The following ZNF331 variants were observed in gnomAD, a reference collection of about 807,000 sequenced individuals.
ZNF331 encodes C2H2-like zinc finger protein rearranged in thyroid adenomas.
Under a neutral mutation model 7.0 loss-of-function variants are expected in ZNF331, and 2 were observed. That is an observed-to-expected ratio of 0.29 (90% CI 0.12 to 0.90). The LOEUF is 0.90. Ranked by LOEUF, ZNF331 falls within the 40% of genes least tolerant of loss-of-function variation. The probability of loss-of-function intolerance (pLI) is 0.58; values close to 1 mark genes in which losing one functional copy is unlikely to be tolerated. For synonymous variants in ZNF331, 196 were observed against 205.4 expected, an observed-to-expected ratio of 0.95 and a Z score of 0.39; for missense variants, 432 against 587.7, an observed-to-expected ratio of 0.74 and a Z score of 2.74.
chr19:53,527,849 G>A (rs1471300187), intron 2 of ZNF331, among the ~76,000 whole-genome samples: 1 of 92,896 alleles, frequency 1.1e-5, no homozygotes, highest in East Asian at 2.5e-4. Flanking sequence ...TCCCATGACA[G>A]CAGATTATCA....
At chr19:53,557,902 C>T (rs1017296675) in intron 3 of ZNF331, among the ~76,000 whole-genome samples, 2 of 152,136 alleles carry the variant, frequency 1.3e-5, no homozygotes, top group Middle Eastern at 3.2e-3. Context: ...AGGCTGTGAA[C>T]CTGTGATGAG....
chr19:53,556,219 G>A (rs2089411600), intron 3 of ZNF331, among the ~76,000 whole-genome samples: 1 of 146,832 alleles, frequency 6.8e-6, no homozygotes, highest in Non-Finnish European at 1.5e-5. Context: ...CTCCAGCCTG[G>A]GCAACACAGC....
intron 2 of ZNF331, among the ~76,000 whole-genome samples, chr19:53,552,112 G>A (rs1193327353): frequency 1.3e-5 from 2 of 152,110 alleles, no homozygotes; most frequent in African/African-American, 4.8e-5. Context: ...AATTGAGTAC[G>A]ATGACAATTA....
chr19:53,545,326 C>T (rs1051389920), intron 2 of ZNF331, among the ~76,000 whole-genome samples: 9 of 152,296 alleles, frequency 5.9e-5, no homozygotes, highest in Non-Finnish European at 4.4e-5. Context: ...GACGTTAGTA[C>T]TTGGAATGAG....
At chr19:53,569,460 G>A in intron 4 of ZNF331, 75 bp downstream of exon 4, 1 of 1,535,790 alleles carries the variant, frequency 6.5e-7, no homozygotes, top group Non-Finnish European at 9.0e-7. Flanking sequence ...ATTATCTGAA[G>A]CCTTTTATCT....
At chr19:53,513,988 T>C in the ZNF331 span, among the ~76,000 whole-genome samples, 1 of 152,218 alleles carries the variant, frequency 6.6e-6, no homozygotes, top group African/African-American at 2.4e-5. Context: ...ATATTTTGGA[T>C]ATAAACTCCT....
At position 53,555,873 on chromosome 19, in the gene ZNF331, G is replaced by C. The variant is rs1274367719; in HGVS notation, c.-109G>C. 6.6e-6 allele frequency: 1 copy of C among 151,770 alleles called. No homozygotes were observed. The highest frequency in any genetic ancestry group is 2.4e-5 in the African/African-American group (1 of 41,278). 9.4% of individuals were successfully genotyped at this position (151,770 alleles called of 1,614,324 possible). A position where few individuals can be genotyped will look rare whatever the true frequency, so the allele number is the denominator to read the frequency against. On this transcript the variant is annotated 5_prime_UTR_variant, in exon 3 of 6. Coordinates refer to ENST00000449416, the MANE Select transcript of ZNF331 (RefSeq NM_001079906.2). ...AGCATCCTTCAGAAAAAGCATCCCC[G>C]AGGAGGAAGACGAATCGTTAAACAT...
chr19:53,577,399 T>C lies in ZNF331; in HGVS notation c.839T>C (p.Phe280Ser). The change falls in exon 6 of 6, where the codon TTT becomes TCT. Residue 280 changes from phenylalanine (F) to serine (S), a missense_variant. Phe to Ser is a radical substitution (Grantham distance 155). Around this residue, in one of 3 missense-constraint regions of ZNF331, gnomAD observed 312 missense variants for 448.6 expected, o/e 0.70. Coordinates refer to ENST00000449416, the MANE Select transcript of ZNF331 (RefSeq NM_001079906.2). ...PYECKDCGKA[F>S]ICGSSLIQHK... ...GAGTGTAAAGACTGTGGGAAGGCTT[T>C]TATTTGTGGTTCAAGCCTCATTCAG... 6.2e-7 allele frequency: 1 copy of C among 1,614,150 alleles called. No individual in the cohort carries two copies. The highest frequency in any genetic ancestry group is 8.5e-7 in the Non-Finnish European group (1 of 1,180,022).
At chr19:53,542,662 G>A (rs2088257839) in intron 2 of ZNF331, among the ~76,000 whole-genome samples, 1 of 152,188 alleles carries the variant, frequency 6.6e-6, no homozygotes, top group South Asian at 2.1e-4. Flanking sequence ...GTTGCTGATG[G>A]AAAGGGAACA....
intron 2 of ZNF331, among the ~76,000 whole-genome samples, chr19:53,543,618 A>T (rs866173473): frequency 6.6e-6 from 1 of 152,206 alleles, no homozygotes; most frequent in Non-Finnish European, 1.5e-5. Context: ...ACTTTTTTTA[A>T]AGAAAAAAAG....
chr19:53,559,088 CTACA>C (rs1195620403), intron 3 of ZNF331, among the ~76,000 whole-genome samples: 5 of 142,840 alleles, frequency 3.5e-5, no homozygotes, highest in African/African-American at 1.2e-4. Context: ...ATATACACAC[CTACA>C]TATAGAGACA....
At chr19:53,513,629 A>G in the ZNF331 span, among the ~76,000 whole-genome samples, 1 of 151,980 alleles carries the variant, frequency 6.6e-6, no homozygotes, top group African/African-American at 2.4e-5. Flanking sequence ...TGATTAGTCT[A>G]TTCAGGCCCT....
chr19:53,514,600 A>G (rs891154486), upstream of ZNF331, among the ~76,000 whole-genome samples: 1 of 143,572 alleles, frequency 7.0e-6, no homozygotes, highest in Non-Finnish European at 1.5e-5. Context: ...TCTTATTTCC[A>G]CTCCAGCTCC....
At chr19:53,533,358 A>G (rs781228142), upstream of ZNF331, among the ~76,000 whole-genome samples, 39 of 152,158 alleles carry the variant, frequency 2.6e-4, no homozygotes, top group Non-Finnish European at 4.7e-4. Context: ...AAGATGCTTG[A>G]TAGGATTTCA....
chr19:53,529,306 A>G (rs2087435479), intron 2 of ZNF331, among the ~76,000 whole-genome samples: 1 of 151,952 alleles, frequency 6.6e-6, no homozygotes, highest in Non-Finnish European at 1.5e-5. Context: ...AGGCTGAGGC[A>G]GGAGAATGGC....
intron 2 of ZNF331, among the ~76,000 whole-genome samples, chr19:53,531,799 A>G (rs906118265): frequency 2.0e-5 from 3 of 152,196 alleles, no homozygotes; most frequent in African/African-American, 4.8e-5. Flanking sequence ...CACAGTGAGA[A>G]GCAATGTGGT....
rs1433497575 is a variant in ZNF331, at chr19:53,560,067, C to A, written c.-74+4159C>A. On this transcript the variant is annotated intron_variant, in intron 3 of 5. Coordinates refer to ENST00000449416, the MANE Select transcript of ZNF331 (RefSeq NM_001079906.2). The surrounding 1 kb of genome is among the most constrained non-coding windows in gnomAD (Gnocchi z 4.3). The stretch of plus-strand genomic sequence containing the variant: ...ATATACATATACACACCTACATATA[C>A]ATACCATACACACACATATATACAC... Among the ~76,000 whole-genome samples, 1 of 150,908 alleles carries A rather than the reference C, an allele frequency of 6.6e-6. No homozygotes were observed. Among genetic ancestry groups the A allele is most frequent in the East Asian group, 1.9e-4 (1 of 5,138 alleles).
intron 2 of ZNF331, among the ~76,000 whole-genome samples, chr19:53,530,285 C>T (rs1734686450): frequency 1.4e-5 from 1 of 71,930 alleles, no homozygotes; most frequent in Non-Finnish European, 2.8e-5. Flanking sequence ...CAGGCCGCAC[C>T]TCCAGCACTG....
chr19:53,547,891 T>C (rs1407916377), intron 2 of ZNF331, among the ~76,000 whole-genome samples: 1 of 152,146 alleles, frequency 6.6e-6, no homozygotes, highest in Non-Finnish European at 1.5e-5. Context: ...TTTTTGCTGT[T>C]AAGTTGTTTG....
Sources: gnomAD v4.1 joint callset for allele counts (sites outside exome capture counted in the v4.1 genomes callset) on GRCh38, gnomAD v4.1.1 for gene constraint, gnomAD v4.1.1 regional missense constraint, Gnocchi (gnomAD v3.1) non-coding constraint, MANE v1.5 for transcripts, NCBI Gene and HGNC (gene_info 2026-07-23, HGNC 2026-07-21) for gene names.